SLC25A16: variants seen among roughly 807,000 people sequenced by gnomAD.
SLC25A16 encodes the protein solute carrier family 25 member 16, also known as mitochondrial coenzyme A transporter SLC25A16.
In SLC25A16, 39 loss-of-function variants were observed where a neutral mutation model predicts 41.5. The ratio of observed to expected loss-of-function variants is 0.94; its 90% CI spans 0.73 to 1.23. SLC25A16 has a LOEUF of 1.23. Ranked by LOEUF, SLC25A16 falls within the 50% of genes most tolerant of loss-of-function variation. The pLI is 0.00. For synonymous variants in SLC25A16, 146 were observed against 147.8 expected (o/e 0.99, Z 0.09); for missense variants, 421 against 426.9 (o/e 0.99, Z 0.12).
intron 1 of SLC25A16, among the ~76,000 whole-genome samples, chr10:68,525,705 T>C (rs896762869): frequency 1.3e-5 from 2 of 152,148 alleles, no homozygotes; most frequent in Non-Finnish European, 2.9e-5. Flanking sequence ...AGATTGTTAC[T>C]GTGTCTGTGT....
At chr10:68,514,316 G>A (rs2053121421) in intron 2 of SLC25A16, among the ~76,000 whole-genome samples, 1 of 152,018 alleles carries the variant, frequency 6.6e-6, no homozygotes, top group African/African-American at 2.4e-5. Context: ...CCAATATGGT[G>A]AAACCCCGTA....
At chr10:68,492,873 T>C (rs2052682552) in intron 6 of SLC25A16, among the ~76,000 whole-genome samples, 1 of 151,350 alleles carries the variant, frequency 6.6e-6, no homozygotes, top group African/African-American at 2.4e-5. Flanking sequence ...CCTAAATGTT[T>C]AACATCATCT....
chr10:68,515,026 C>G (rs558572761), intron 2 of SLC25A16, among the ~76,000 whole-genome samples: 11 of 151,416 alleles, frequency 7.3e-5, no homozygotes, highest in Admixed American at 5.3e-4. Flanking sequence ...GCATGAGCCA[C>G]TGCACCTGGC....
rs2052500104 is a variant in SLC25A16 at position 68,482,834 on chromosome 10, A to G, written c.*598T>C. Reference sequence around the variant, plus strand: ...ACCACATGCCCATCCCACCATGTCCAGCTTCTTCATTTATTTTTGTGTCTC... The same window carrying G: ...ACCACATGCCCATCCCACCATGTCCGGCTTCTTCATTTATTTTTGTGTCTC... On this transcript the variant is annotated 3_prime_UTR_variant, in exon 9 of 9. Coordinates refer to ENST00000609923, the MANE Select transcript of SLC25A16 (RefSeq NM_152707.4). 2 of 152,198 alleles carry G rather than the reference A, an allele frequency of 1.3e-5. No individual in the cohort carries two copies. Among genetic ancestry groups the G allele is most frequent in the Admixed American group, 1.3e-4 (2 of 15,252 alleles). 9.4% of individuals were successfully genotyped at this position (152,198 alleles called of 1,614,324 possible).
At chr10:68,492,740 T>C (rs1404211103) in intron 6 of SLC25A16, among the ~76,000 whole-genome samples, 9 of 152,176 alleles carry the variant, frequency 5.9e-5, no homozygotes, top group Non-Finnish European at 1.5e-5. Context: ...TAGAGAACTA[T>C]AGGTATCCTT....
intron 1 of SLC25A16, among the ~76,000 whole-genome samples, chr10:68,520,848 G>T (rs1164272458): frequency 6.6e-6 from 1 of 150,498 alleles, no homozygotes; most frequent in Non-Finnish European, 1.5e-5. Flanking sequence ...AATTAGCCAG[G>T]CGAAGGGCCA....
At chr10:68,508,504 G>A (rs2052998123) in intron 2 of SLC25A16, among the ~76,000 whole-genome samples, 1 of 151,458 alleles carries the variant, frequency 6.6e-6, no homozygotes, top group South Asian at 2.1e-4. Context: ...ACCTAAGGTT[G>A]GGAGTTCGAG....
rs2052499320 is a variant in SLC25A16, at chr10:68,482,786, C to T, written c.*646G>A. On this transcript the variant is annotated 3_prime_UTR_variant, in exon 9 of 9. Coordinates refer to ENST00000609923, the MANE Select transcript of SLC25A16 (RefSeq NM_152707.4). ...TTCCAGGGCTCAAGTGATCCTCTCA[C>T]CTCAGCTTCCAGAGTAGCTGGGACC... is the stretch of plus-strand genomic sequence containing the variant. 6.6e-6 allele frequency: 1 copy of T among 152,146 alleles called. No homozygotes were observed. The highest frequency in any genetic ancestry group is 1.5e-5 in the Non-Finnish European group (1 of 68,044). The allele number at this position is 152,146 out of a possible 1,614,324, so 9.4% of individuals were successfully genotyped here.
rs1282238889 is a variant in SLC25A16, at chr10:68,527,330, G to A, written c.46C>T (p.Pro16Ser). Residue 16 changes from proline (P) to serine (S), a missense_variant, in exon 1 of 9, where the codon CCT becomes TCT. By Grantham distance (74) the Pro-to-Ser change is moderately conservative (BLOSUM62 -1). Coordinates refer to ENST00000609923, the MANE Select transcript of SLC25A16 (RefSeq NM_152707.4). The part of the protein sequence containing the change: ...AAAALAAADP[P>S]PAMPQAAGAG... ...CCTGCCGCCTGCGGCATTGCGGGAGGGGGATCGGCCGCCGCCAGGGCTGCC... is the reference window on the plus strand; with the variant it reads ...CCTGCCGCCTGCGGCATTGCGGGAGAGGGATCGGCCGCCGCCAGGGCTGCC... 7.2e-6 allele frequency: 11 copies of A among 1,537,646 alleles called. No individual in the cohort carries two copies. In the South Asian group the frequency reaches 1.2e-4, roughly 17 times the overall value.
chr10:68,513,021 AAGAG>A (rs2053094115), intron 2 of SLC25A16, among the ~76,000 whole-genome samples: 1 of 152,060 alleles, frequency 6.6e-6, no homozygotes, highest in Admixed American at 6.6e-5. Context: ...CCTAGGCCAC[AAGAG>A]AGAGACTCCG....
intron 6 of SLC25A16, among the ~76,000 whole-genome samples, chr10:68,490,529 G>T (rs993587412): frequency 6.6e-6 from 1 of 151,874 alleles, no homozygotes; most frequent in Admixed American, 6.6e-5. Flanking sequence ...TTTTAGTAGA[G>T]ATGGCGTTTC....
At chr10:68,496,667 C>T in intron 4 of SLC25A16, 1 of 970,398 alleles carries the variant, frequency 1.0e-6, no homozygotes. Flanking sequence ...TTCTCATCAT[C>T]TTACTGTCTC....
chr10:68,505,878 C>T (rs918499295), intron 3 of SLC25A16, among the ~76,000 whole-genome samples: 1 of 151,726 alleles, frequency 6.6e-6, no homozygotes, highest in Non-Finnish European at 1.5e-5. Context: ...ACTAAAAATA[C>T]AAAAATTAGC....
intron 3 of SLC25A16, among the ~76,000 whole-genome samples, chr10:68,504,117 A>G (rs546674009): frequency 1.4e-5 from 2 of 143,282 alleles, no homozygotes; most frequent in African/African-American, 5.2e-5. Flanking sequence ...CCTAGATTCA[A>G]GCGATTCTCC....
intron 4 of SLC25A16, among the ~76,000 whole-genome samples, chr10:68,502,294 T>G (rs1564918427): frequency 6.6e-6 from 1 of 151,952 alleles, no homozygotes; most frequent in Admixed American, 6.6e-5. Context: ...ACACAAAATT[T>G]AGAAGTACCA....
intron 4 of SLC25A16, chr10:68,496,627 T>C (rs2133525252): frequency 2.0e-6 from 2 of 983,092 alleles, no homozygotes; most frequent in Non-Finnish European, 2.4e-6. Context: ...TAAAGATAAA[T>C]CTAAACAAAG....
chr10:68,488,697 TTAAATAA>T (rs1200323817), intron 6 of SLC25A16, 68 bp from the exon 7 acceptor site: 2 of 1,241,960 alleles, frequency 1.6e-6, no homozygotes, highest in African/African-American at 1.5e-5. Flanking sequence ...GACACCATTC[TTAAATAA>T]TAAACACATT....
At chr10:68,491,407 T>G (rs2052655730) in intron 6 of SLC25A16, among the ~76,000 whole-genome samples, 1 of 152,028 alleles carries the variant, frequency 6.6e-6, no homozygotes, top group South Asian at 2.1e-4. Flanking sequence ...GTATTTTTAG[T>G]AGAGACGGTG....
intron 4 of SLC25A16, among the ~76,000 whole-genome samples, chr10:68,502,577 A>G: frequency 6.6e-6 from 1 of 150,820 alleles, no homozygotes. Context: ...AGAGAATACA[A>G]AAATTAGCTG....
Sources: gnomAD v4.1 joint callset for allele counts (sites outside exome capture counted in the v4.1 genomes callset) on GRCh38, gnomAD v4.1.1 for gene constraint, MANE v1.5 for transcripts, NCBI Gene and HGNC (gene_info 2026-07-23, HGNC 2026-07-21) for gene names.